Variants in DNAH12 observed in about 807,000 individuals in gnomAD.
The protein encoded by DNAH12 is axonemal beta dynein heavy chain 12.
DNAH12 carries 285 observed loss-of-function variants against 371.5 expected under a neutral mutation model. The observed-to-expected ratio is 0.77, with a 90% confidence interval of 0.70 to 0.85. DNAH12 has a LOEUF of 0.85. Among genes scored for constraint, DNAH12 ranks in the 40% least tolerant of loss-of-function variants. The pLI is 0.00. For missense variants in DNAH12, 3,611 were observed against 3,689.4 expected, an observed-to-expected ratio of 0.98 and a Z score of 0.55; for synonymous variants, 1,200 against 1,213.0, an observed-to-expected ratio of 0.99 and a Z score of 0.22.
In DNAH12 at chr3:57,319,743, A is replaced by ATT. The variant is rs35617325; in HGVS notation, c.10524+2598_10524+2599dup. On this transcript the variant is annotated intron_variant, in intron 65 of 73. Transcript: ENST00000495027. ...AGCCACATGCCACCACACCTTGCTA[A>ATT]TTTTTTTTTTTTTTGTATTTTTAGT... Among the ~76,000 whole-genome samples the ATT allele has an allele frequency of 4.7e-3, 680 of 143,408 alleles. 7 individuals carry two copies. The highest frequency in any genetic ancestry group is 0.034 in the South Asian group (156 of 4,526). 94.1% of individuals were successfully genotyped at this position (143,408 alleles called of 152,430 possible). A position where few individuals can be genotyped will look rare whatever the true frequency, so the allele number is the denominator to read the frequency against.
At chr3:57,388,982 A>C (rs1250439354) in intron 45 of DNAH12, among the ~76,000 whole-genome samples, 2 of 152,278 alleles carry the variant, frequency 1.3e-5, no homozygotes, top group East Asian at 3.9e-4. Flanking sequence ...GCAGCACACC[A>C]ACATGGCACA....
intron 34 of DNAH12, 118 bp from the exon 35 acceptor site, chr3:57,425,259 T>G: frequency 1.7e-6 from 1 of 591,016 alleles, no homozygotes; most frequent in African/African-American, 1.9e-5. Flanking sequence ...TCTTTTTTTT[T>G]GTTTTTGAGA....
intron 2 of DNAH12, among the ~76,000 whole-genome samples, chr3:57,536,908 T>G (rs2069068773): frequency 6.6e-6 from 1 of 152,246 alleles, no homozygotes; most frequent in Non-Finnish European, 1.5e-5. Context: ...TGTTTTTGAT[T>G]TGTATATTAG....
chr3:57,312,596 A>G (rs185861511), intron 66 of DNAH12, among the ~76,000 whole-genome samples: 1 of 152,312 alleles, frequency 6.6e-6, no homozygotes, highest in East Asian at 1.9e-4. Flanking sequence ...CAATGCTGGC[A>G]GTTTCCAATG....
intron 39 of DNAH12, among the ~76,000 whole-genome samples, chr3:57,409,844 T>C (rs2064148562): frequency 1.3e-5 from 2 of 152,258 alleles, no homozygotes; most frequent in East Asian, 1.9e-4. Flanking sequence ...ATATCTTACA[T>C]GTGAGAAACT....
chr3:57,489,911 G>A (rs1301397357), intron 11 of DNAH12, among the ~76,000 whole-genome samples: 2 of 151,862 alleles, frequency 1.3e-5, no homozygotes, highest in African/African-American at 2.4e-5. Context: ...ACCATTCACA[G>A]TATCAAAATC....
chr3:57,415,866 G>A (rs1272039545), intron 37 of DNAH12, among the ~76,000 whole-genome samples: 7 of 147,540 alleles, frequency 4.7e-5, no homozygotes, highest in African/African-American at 1.8e-4. Context: ...TTGGCTCACT[G>A]CAACCTCCAC....
rs913220764 is a variant in DNAH12, at chr3:57,544,276, G to A, written c.-113C>T. 7 of 152,242 alleles carry A rather than the reference G, an allele frequency of 4.6e-5. No homozygotes were observed. The highest frequency in any genetic ancestry group is 1.2e-4 in the African/African-American group (5 of 41,464). The allele number at this position is 152,242 out of a possible 1,614,324, so 9.4% of individuals were successfully genotyped here. Reference sequence around the variant, plus strand: ...AGTCAGAGCCTCTCCTCAGGTGAAAGGCAGGGGGATAACGAGGGAGAAACC... The same window carrying A: ...AGTCAGAGCCTCTCCTCAGGTGAAAAGCAGGGGGATAACGAGGGAGAAACC... On this transcript the variant is annotated 5_prime_UTR_variant, in exon 1 of 74. Transcript: ENST00000495027.
At chr3:57,342,911 A>G (rs2062441664) in intron 60 of DNAH12, among the ~76,000 whole-genome samples, 1 of 152,060 alleles carries the variant, frequency 6.6e-6, no homozygotes, top group African/African-American at 2.4e-5. Context: ...CTACAAAAAG[A>G]AAAATACAAA....
intron 36 of DNAH12, 115 bp downstream of exon 36, chr3:57,421,403 C>T (rs1051081894): frequency 1.2e-5 from 11 of 926,896 alleles, no homozygotes; most frequent in Admixed American, 2.9e-5. Flanking sequence ...AAGAAGGGAG[C>T]TTAAAAAGCT....
intron 15 of DNAH12, 86 bp from the exon 16 acceptor site, chr3:57,470,722 C>A: frequency 8.8e-7 from 1 of 1,136,402 alleles, no homozygotes. Context: ...ACAATATGTC[C>A]TTGTATTTAT....
rs113232555 is a variant in DNAH12, at chr3:57,309,509, G to A, written c.11085+157C>T. On this transcript the variant is annotated intron_variant, in intron 68 of 73. Coordinates refer to ENST00000495027, the MANE Select transcript of DNAH12 (RefSeq NM_001366028.2). ...TGTTCTCAAAAAACTTAAAAAAATT[G>A]GTAGTATTATCACCATTTAACGGAT... 9.8e-3 allele frequency among the ~76,000 whole-genome samples: 1,491 copies of A among 152,190 alleles called. 16 individuals are homozygous for A. Among genetic ancestry groups the A allele is most frequent in the African/African-American group, 0.034 (1,421 of 41,520 alleles).
intron 39 of DNAH12, among the ~76,000 whole-genome samples, chr3:57,410,270 T>C (rs777119999): frequency 3.9e-5 from 6 of 152,162 alleles, no homozygotes; most frequent in Non-Finnish European, 7.4e-5. Flanking sequence ...GGTCTCTGTG[T>C]CACATTTTGG....
intron 34 of DNAH12, among the ~76,000 whole-genome samples, chr3:57,427,049 T>A (rs2153364238): frequency 6.6e-6 from 1 of 152,174 alleles, no homozygotes; most frequent in South Asian, 2.1e-4. Flanking sequence ...TAAATGGCAC[T>A]TTTTTCTATG....
chr3:57,309,548 C>T, intron 68 of DNAH12, 118 bp downstream of exon 68: 1 of 1,044,178 alleles, frequency 9.6e-7, no homozygotes, highest in African/African-American at 1.6e-5. Flanking sequence ...GAGGCTAATG[C>T]TTAGAGAGGC....
intron 2 of DNAH12, among the ~76,000 whole-genome samples, chr3:57,528,386 T>C (rs2068722337): frequency 6.6e-6 from 1 of 151,906 alleles, no homozygotes; most frequent in South Asian, 2.1e-4. Context: ...AGAGATTGCA[T>C]TGAATCTGTA....
At chr3:57,426,402 T>A (rs948934807) in intron 34 of DNAH12, among the ~76,000 whole-genome samples, 1 of 152,042 alleles carries the variant, frequency 6.6e-6, no homozygotes, top group African/African-American at 2.4e-5. Flanking sequence ...AGCAGCTGCA[T>A]GGTATTGATT....
intron 43 of DNAH12, chr3:57,402,300 C>G: frequency 2.1e-6 from 2 of 942,490 alleles, no homozygotes; most frequent in Non-Finnish European, 2.9e-6. Context: ...AGAAGTCCAG[C>G]AATTTCTCCC....
intron 4 of DNAH12, among the ~76,000 whole-genome samples, chr3:57,518,824 G>A (rs1454057061): frequency 1.3e-5 from 2 of 152,144 alleles, no homozygotes; most frequent in South Asian, 2.1e-4. Flanking sequence ...TTTTTGACAC[G>A]TTGATTCTGA....
Sources: allele counts gnomAD v4.1 joint callset (sites outside exome capture counted in the v4.1 genomes callset), GRCh38; gene constraint gnomAD v4.1.1; transcripts MANE v1.5; gene names NCBI Gene and HGNC (gene_info 2026-07-23, HGNC 2026-07-21).